MGST1: variants seen among roughly 807,000 people sequenced by gnomAD.
MGST1 encodes the protein glutathione S-transferase 12.
A neutral mutation model predicts 8.9 loss-of-function variants in MGST1; 5 were observed. That is an observed-to-expected ratio of 0.56 (90% CI 0.29 to 1.19). MGST1 has a LOEUF of 1.19. Ranked by LOEUF, MGST1 falls within the 50% of genes most tolerant of loss-of-function variation. MGST1 has a pLI of 0.08. For missense variants in MGST1, 182 were observed against 187.4 expected, an observed-to-expected ratio of 0.97 and a Z score of 0.17; for synonymous variants, 54 against 67.8, an observed-to-expected ratio of 0.80 and a Z score of 1.00.
chr12:16,553,547 G>A (rs1246636606), intron 4 of MGST1, among the ~76,000 whole-genome samples: 1 of 152,074 alleles, frequency 6.6e-6, no homozygotes. Context: ...GTTATCAACT[G>A]GATAAAGTGC....
chr12:16,483,847 A>G (rs1487384658), intron 4 of MGST1, among the ~76,000 whole-genome samples: 1 of 152,214 alleles, frequency 6.6e-6, no homozygotes, highest in Non-Finnish European at 1.5e-5. Flanking sequence ...GATCCAATGG[A>G]CATTTCTAGA....
chr12:16,392,637 G>T (rs1274102895), intron 1 of MGST1, among the ~76,000 whole-genome samples: 2 of 152,018 alleles, frequency 1.3e-5, no homozygotes, highest in East Asian at 3.9e-4. Flanking sequence ...AACAGATATT[G>T]CTTATAGTCT....
intron 4 of MGST1, among the ~76,000 whole-genome samples, chr12:16,545,781 T>G (rs1422244547): frequency 6.6e-6 from 1 of 152,144 alleles, no homozygotes; most frequent in Non-Finnish European, 1.5e-5. Flanking sequence ...TAGAAAAATA[T>G]AATCACTCTC....
At chr12:16,590,231 A>G (rs2058798), downstream of MGST1, among the ~76,000 whole-genome samples, 132,826 of 152,104 alleles carry the variant, frequency 0.87, 60,513 homozygotes, top group East Asian at 1. Context: ...TTCTTGAAGC[A>G]AAACTAACAT....
At chr12:16,443,054 C>T (rs1941051109), downstream of MGST1, among the ~76,000 whole-genome samples, 1 of 151,718 alleles carries the variant, frequency 6.6e-6, no homozygotes, top group South Asian at 2.1e-4. Context: ...TTACTAGAGC[C>T]ATACAAGTTT....
At chr12:16,347,558 T>C (rs992375800), upstream of MGST1, 6 of 151,842 alleles carry the variant, frequency 4.0e-5, no homozygotes, top group Non-Finnish European at 8.8e-5. The surrounding 1 kb of genome is among the most constrained non-coding windows in gnomAD (Gnocchi z 4.0). Flanking sequence ...TTTGGCGAGG[T>C]TGGGGTCGGG....
intron 4 of MGST1, among the ~76,000 whole-genome samples, chr12:16,467,584 G>A (rs896321903): frequency 9.2e-5 from 14 of 152,178 alleles, no homozygotes; most frequent in Non-Finnish European, 4.4e-5. Flanking sequence ...TCAATAGTCA[G>A]ATGTGTTGCT....
Position 16,497,738 on chromosome 12 carries a change from T to C in MGST1, n.483-91790T>C, listed in dbSNP as rs1365424642. Among the ~76,000 whole-genome samples, 2 of 152,166 alleles carry C rather than the reference T, an allele frequency of 1.3e-5. No individual in the cohort carries two copies. The highest frequency in any genetic ancestry group is 2.9e-5 in the Non-Finnish European group (2 of 68,008). The stretch of plus-strand genomic sequence containing the variant: ...TTTCACCTGTTAATCGTTCTGGTTG[T>C]AGCCATTTTTACTGTAATTTAGCCA... On this transcript the variant is annotated intron_variant and non_coding_transcript_variant, in intron 4 of 4. Transcript: ENST00000538857. This position sits in a 1 kb window ranked among gnomAD's most constrained non-coding sequence, Gnocchi z 4.4.
chr12:16,472,264 GA>G (rs957408602), intron 4 of MGST1, among the ~76,000 whole-genome samples: 1 of 151,226 alleles, frequency 6.6e-6, no homozygotes, highest in Non-Finnish European at 1.5e-5. Flanking sequence ...TTCACAACCA[GA>G]AAAAAAACAA....
intron 1 of MGST1, among the ~76,000 whole-genome samples, chr12:16,386,767 A>G (rs1940507407): frequency 6.6e-6 from 1 of 152,150 alleles, no homozygotes; most frequent in South Asian, 2.1e-4. Flanking sequence ...AAAAATATTA[A>G]ATGGAAATTT....
intron 4 of MGST1, among the ~76,000 whole-genome samples, chr12:16,545,547 T>C (rs1432371723): frequency 6.6e-6 from 1 of 152,116 alleles, no homozygotes; most frequent in Non-Finnish European, 1.5e-5. Flanking sequence ...CTTGTTGTAT[T>C]ATCTTGATTC....
intron 4 of MGST1, among the ~76,000 whole-genome samples, chr12:16,506,895 C>T (rs756856159): frequency 1.3e-5 from 2 of 152,194 alleles, no homozygotes; most frequent in East Asian, 1.9e-4. Context: ...TACTGTTTGT[C>T]GGACAGGGTA....
chr12:16,414,881 G>A (rs369112139), intron 1 of MGST1, among the ~76,000 whole-genome samples: 13 of 152,162 alleles, frequency 8.5e-5, no homozygotes, highest in African/African-American at 1.9e-4. Flanking sequence ...AAAATTAGCC[G>A]GGCGTGATGG....
chr12:16,553,958 C>A (rs1326515165), intron 4 of MGST1, among the ~76,000 whole-genome samples: 1 of 151,598 alleles, frequency 6.6e-6, no homozygotes, highest in Non-Finnish European at 1.5e-5. Flanking sequence ...TAAACATAAT[C>A]TTTCTTGTAA....
At chr12:16,499,896 A>G (rs1006886342) in intron 4 of MGST1, among the ~76,000 whole-genome samples, 2 of 152,134 alleles carry the variant, frequency 1.3e-5, no homozygotes, top group African/African-American at 4.8e-5. Context: ...CCCTTAGTTT[A>G]GTAGTGCATG....
intron 4 of MGST1, among the ~76,000 whole-genome samples, chr12:16,447,442 G>C (rs763006118): frequency 2.6e-5 from 4 of 151,932 alleles, no homozygotes; most frequent in Non-Finnish European, 5.9e-5. Context: ...CCTTGTGGGA[G>C]AGAGGACTCT....
intron 4 of MGST1, among the ~76,000 whole-genome samples, chr12:16,468,837 T>TA (rs1203910432): frequency 6.6e-6 from 1 of 152,198 alleles, no homozygotes; most frequent in East Asian, 1.9e-4. Context: ...AGCTAGGGAC[T>TA]GCATTTCTCA....
intron 4 of MGST1, among the ~76,000 whole-genome samples, chr12:16,575,779 T>C (rs896904774): frequency 6.6e-6 from 1 of 150,926 alleles, no homozygotes; most frequent in African/African-American, 2.4e-5. Context: ...TCACTTTTCA[T>C]GTCCTGACCT....
rs908566512 is a variant in MGST1 at position 16,584,586 on chromosome 12, G to A, written n.483-4942G>A. Among the ~76,000 whole-genome samples the A allele has an allele frequency of 7.3e-6, 1 of 136,382 alleles. No individual in the cohort carries two copies. The highest frequency in any genetic ancestry group is 2.0e-4 in the East Asian group (1 of 5,038). The allele number at this position is 136,382 out of a possible 152,430, so 89.5% of individuals were successfully genotyped here. A position where few individuals can be genotyped will look rare whatever the true frequency, so the allele number is the denominator to read the frequency against. On this transcript the variant is annotated intron_variant and non_coding_transcript_variant, in intron 4 of 4. Coordinates refer to the MGST1 transcript ENST00000538857. This position sits in a 1 kb window ranked among gnomAD's most constrained non-coding sequence, Gnocchi z 5.2. ...GATTAACATTGGCAAGTGGAGGAGT[G>A]GGGGGGGTAAGAGGCCTGTTTAGAG...
Sources: allele counts gnomAD v4.1 joint callset (sites outside exome capture counted in the v4.1 genomes callset), GRCh38; gene constraint gnomAD v4.1.1; non-coding constraint Gnocchi (gnomAD v3.1); transcripts MANE v1.5; gene names NCBI Gene and HGNC (gene_info 2026-07-23, HGNC 2026-07-21).